TMEFF1: variants seen among roughly 807,000 people sequenced by gnomAD.
The protein encoded by TMEFF1 is tomoregulin-1.
In TMEFF1, 20 loss-of-function variants were observed where a neutral mutation model predicts 47.5. The observed-to-expected ratio is 0.42, with a 90% confidence interval of 0.30 to 0.61. The LOEUF (loss-of-function observed/expected upper bound fraction) is 0.61. Ranked by LOEUF, TMEFF1 falls within the 20% of genes least tolerant of loss-of-function variation. The probability of loss-of-function intolerance (pLI) is 0.19; values close to 1 mark genes in which losing one functional copy is unlikely to be tolerated. For missense variants in TMEFF1, 411 were observed against 471.1 expected, an observed-to-expected ratio of 0.87 and a Z score of 1.18; for synonymous variants, 162 against 166.3, an observed-to-expected ratio of 0.97 and a Z score of 0.20.
intron 5 of TMEFF1, among the ~76,000 whole-genome samples, chr9:100,535,935 T>A (rs1838495266): frequency 6.6e-6 from 1 of 152,248 alleles, no homozygotes; most frequent in Admixed American, 6.5e-5. Flanking sequence ...ATGAGAATAA[T>A]CATTCTCAAA....
chr9:100,526,847 G>A (rs1838262933), intron 5 of TMEFF1, among the ~76,000 whole-genome samples: 1 of 149,252 alleles, frequency 6.7e-6, no homozygotes, highest in East Asian at 2.0e-4. Context: ...CGGGCATGGT[G>A]CACATGCCTG....
intron 3 of TMEFF1, among the ~76,000 whole-genome samples, chr9:100,509,729 G>T (rs1027901572): frequency 1.3e-5 from 2 of 149,522 alleles, no homozygotes; most frequent in East Asian, 3.9e-4. Context: ...AGCCAAGATC[G>T]CACCACTGTG....
Position 100,572,557 on chromosome 9 carries a change from A to G in TMEFF1, c.939A>G (p.Thr313=). The G allele has an allele frequency of 6.2e-7, 1 of 1,613,134 alleles. No homozygotes were observed. The highest frequency in any genetic ancestry group is 1.1e-5 in the South Asian group (1 of 90,924). Residue 313 remains threonine, a synonymous_variant, in exon 9 of 10, where the codon ACA becomes ACG. Transcript: ENST00000374879. ...SGYTGQHCEK[T]DFSILYVVPS... ...ACACTGGACAGCACTGTGAAAAGAC[A>G]GACTTTAGTATTCTCTATGTAGTGC...
At chr9:100,566,833 T>C (rs1406204429) in intron 8 of TMEFF1, among the ~76,000 whole-genome samples, 1 of 152,098 alleles carries the variant, frequency 6.6e-6, no homozygotes, top group Non-Finnish European at 1.5e-5. Flanking sequence ...GCCTCCTGAA[T>C]AGCTGGGATT....
intron 1 of TMEFF1, among the ~76,000 whole-genome samples, chr9:100,481,641 A>G (rs1356207297): frequency 6.6e-6 from 1 of 152,230 alleles, no homozygotes; most frequent in African/African-American, 2.4e-5. Context: ...TTAGAAAACA[A>G]AGTCTGAAAT....
intron 1 of TMEFF1, among the ~76,000 whole-genome samples, chr9:100,478,196 A>G (rs1386375696): frequency 6.6e-6 from 1 of 152,216 alleles, no homozygotes; most frequent in Admixed American, 6.5e-5. Context: ...CCCTAGCTTG[A>G]AGATCATGCT....
intron 1 of TMEFF1, among the ~76,000 whole-genome samples, chr9:100,480,546 G>T (rs1009447374): frequency 6.6e-6 from 1 of 152,238 alleles, no homozygotes; most frequent in East Asian, 1.9e-4. Flanking sequence ...GAGAAACCCT[G>T]TAAACTTTTG....
chr9:100,568,821 G>A (rs1185225623), intron 8 of TMEFF1, among the ~76,000 whole-genome samples: 2 of 152,222 alleles, frequency 1.3e-5, no homozygotes, highest in Admixed American at 6.5e-5. Flanking sequence ...GAACTATATA[G>A]TATGGGGTCT....
At chr9:100,539,148 C>T (rs111405233) in intron 5 of TMEFF1, among the ~76,000 whole-genome samples, 14,842 of 152,216 alleles carry the variant, frequency 0.098, 979 homozygotes, top group Middle Eastern at 0.17. Flanking sequence ...TCAAGTGATC[C>T]GCCTGCCTCA....
At chr9:100,509,501 C>T (rs962037431) in intron 3 of TMEFF1, among the ~76,000 whole-genome samples, 3 of 152,050 alleles carry the variant, frequency 2.0e-5, no homozygotes, top group South Asian at 2.1e-4. Flanking sequence ...AGGTCGGGTG[C>T]GGTGGCTCAC....
chr9:100,527,403 C>T (rs1838283024), intron 5 of TMEFF1, among the ~76,000 whole-genome samples: 1 of 152,206 alleles, frequency 6.6e-6, no homozygotes, highest in South Asian at 2.1e-4. Context: ...TGAGCCGAAG[C>T]AGGGCGAGGC....
chr9:100,519,053 A>G (rs1385280317), intron 5 of TMEFF1, among the ~76,000 whole-genome samples: 1 of 152,202 alleles, frequency 6.6e-6, no homozygotes, highest in African/African-American at 2.4e-5. Flanking sequence ...GTTTAATTCA[A>G]GTAGTTCTGT....
intron 5 of TMEFF1, among the ~76,000 whole-genome samples, chr9:100,539,134 G>A (rs1324187513): frequency 6.6e-6 from 1 of 152,170 alleles, no homozygotes; most frequent in Non-Finnish European, 1.5e-5. Context: ...TTGAACTTCT[G>A]ATCTCAAGTG....
chr9:100,499,644 A>G (rs1587822567), intron 2 of TMEFF1, among the ~76,000 whole-genome samples: 1 of 152,192 alleles, frequency 6.6e-6, no homozygotes, highest in East Asian at 1.9e-4. Context: ...TAGGAGAGTT[A>G]GTATTTCTGG....
At chr9:100,481,901 C>A (rs1837344145) in intron 1 of TMEFF1, among the ~76,000 whole-genome samples, 1 of 151,974 alleles carries the variant, frequency 6.6e-6, no homozygotes, top group African/African-American at 2.4e-5. Context: ...CCTGCCTTAG[C>A]CTCCTGAGTT....
At chr9:100,527,530 G>A (rs991196230) in intron 5 of TMEFF1, among the ~76,000 whole-genome samples, 7 of 152,178 alleles carry the variant, frequency 4.6e-5, no homozygotes, top group Non-Finnish European at 7.3e-5. Context: ...GCGCTTTTCC[G>A]ACGGGCTTAA....
chr9:100,543,609 CCA>C (rs1446036680), intron 5 of TMEFF1, among the ~76,000 whole-genome samples: 1 of 151,240 alleles, frequency 6.6e-6, no homozygotes, highest in Non-Finnish European at 1.5e-5. Context: ...AGGGGTGTGT[CCA>C]ATCATTTGAC....
At chr9:100,506,593 G>C (rs557364445) in intron 2 of TMEFF1, among the ~76,000 whole-genome samples, 35 of 151,500 alleles carry the variant, frequency 2.3e-4, no homozygotes, top group African/African-American at 8.5e-4. Flanking sequence ...GTGAAACCCC[G>C]TCTCTACTAA....
intron 2 of TMEFF1, among the ~76,000 whole-genome samples, chr9:100,503,682 A>T (rs763862449): frequency 6.6e-6 from 1 of 152,182 alleles, no homozygotes; most frequent in Non-Finnish European, 1.5e-5. Flanking sequence ...AGCCAGTGGT[A>T]CAAGTCCCTA....
Sources: allele counts gnomAD v4.1 joint callset (sites outside exome capture counted in the v4.1 genomes callset), GRCh38; gene constraint gnomAD v4.1.1; transcripts MANE v1.5; gene names NCBI Gene and HGNC (gene_info 2026-07-23, HGNC 2026-07-21).